Variants in NRP1 observed in about 807,000 individuals in gnomAD.
The protein encoded by NRP1 is neuropilin 1.
Under a neutral mutation model 106.7 loss-of-function variants are expected in NRP1, and 35 were observed. The observed-to-expected ratio is 0.33, with a 90% confidence interval of 0.25 to 0.43. The LOEUF (loss-of-function observed/expected upper bound fraction) is 0.43. Among genes scored for constraint, NRP1 ranks in the 20% least tolerant of loss-of-function variants. The probability of loss-of-function intolerance (pLI) is 1.00; values close to 1 mark genes in which losing one functional copy is unlikely to be tolerated. For missense variants in NRP1, 1,024 were observed against 1,170.4 expected (o/e 0.87, Z 1.83); for synonymous variants, 437 against 417.9 (o/e 1.05, Z -0.56).
rs955916634 is a variant in NRP1, at chr10:33,260,056, T to C, written c.659-3585A>G. Among the ~76,000 whole-genome samples, 42 of 152,026 alleles carry C rather than the reference T, an allele frequency of 2.8e-4. 1 individual carries two copies. Among genetic ancestry groups the C allele is most frequent in the African/African-American group, 9.7e-4 (40 of 41,394 alleles). On this transcript the variant is annotated intron_variant, in intron 4 of 16. Transcript: ENST00000374867. ...TTTTTTTTGTAGAGACAGGGTCTCA[T>C]CTCTCGATGTTGCCCAAGATGGTCT...
At chr10:33,224,546 T>C (rs1255156226) in intron 7 of NRP1, among the ~76,000 whole-genome samples, 1 of 136,638 alleles carries the variant, frequency 7.3e-6, no homozygotes, top group East Asian at 3.1e-4. Context: ...TTCCATTTTG[T>C]TCTTTTTTTT....
chr10:33,301,315 A>G (rs1214930906), intron 2 of NRP1, among the ~76,000 whole-genome samples: 4 of 152,148 alleles, frequency 2.6e-5, no homozygotes, highest in Non-Finnish European at 5.9e-5. Flanking sequence ...AACAAGGGTG[A>G]CCTTTGGAGT....
intron 4 of NRP1, among the ~76,000 whole-genome samples, chr10:33,259,517 T>G (rs547606701): frequency 2.0e-5 from 3 of 152,296 alleles, no homozygotes; most frequent in Admixed American, 6.5e-5. Context: ...TCTGTTATTG[T>G]GGACCGAAGC....
intron 12 of NRP1, 61 bp from the exon 13 acceptor site, chr10:33,192,479 G>T: frequency 1.3e-6 from 2 of 1,564,222 alleles, no homozygotes; most frequent in South Asian, 2.3e-5. Flanking sequence ...TGATCATTTA[G>T]GGTCACAAAG....
rs562817482 is a variant in NRP1 at position 33,224,365 on chromosome 10, T to C, written c.1137+1769A>G. On this transcript the variant is annotated intron_variant, in intron 7 of 16. Transcript: ENST00000374867. ...ATGCAAACAACCAGTGGACAACAGT[T>C]GAAGAAAACATGTTGGTGAAATAGC... Among the ~76,000 whole-genome samples the C allele has an allele frequency of 8.5e-5, 13 of 152,222 alleles. No individual in the cohort carries two copies. In the South Asian group the frequency reaches 2.7e-3, roughly 32 times the overall value.
At chr10:33,310,267 T>TTC (rs1441841552) in intron 2 of NRP1, among the ~76,000 whole-genome samples, 11 of 140,218 alleles carry the variant, frequency 7.8e-5, no homozygotes, top group South Asian at 4.7e-4. Flanking sequence ...TTTTTTTTTT[T>TTC]CGAGACAGAG....
chr10:33,219,833 C>T (rs1185579200), intron 8 of NRP1, among the ~76,000 whole-genome samples: 1 of 152,070 alleles, frequency 6.6e-6, no homozygotes, highest in Non-Finnish European at 1.5e-5. Context: ...AATACAATGA[C>T]ATGAGATAAG....
chr10:33,197,580 A>G (rs1836873294), intron 12 of NRP1, 70 bp downstream of exon 12: 1 of 1,236,384 alleles, frequency 8.1e-7, no homozygotes, highest in Non-Finnish European at 1.1e-6. Flanking sequence ...AGAAACTGAA[A>G]GCGAGGAGCG....
chr10:33,244,635 C>T (rs185342641), intron 6 of NRP1, among the ~76,000 whole-genome samples: 1 of 152,190 alleles, frequency 6.6e-6, no homozygotes, highest in African/African-American at 2.4e-5. Flanking sequence ...ATTTAGGTTA[C>T]AGAAGTGGAA....
intron 6 of NRP1, among the ~76,000 whole-genome samples, chr10:33,239,658 TTTTA>T (rs1271629104): frequency 6.6e-6 from 1 of 152,220 alleles, no homozygotes; most frequent in Non-Finnish European, 1.5e-5. Flanking sequence ...AAGTATTCCT[TTTTA>T]TTTATTTCTC....
chr10:33,320,362 T>TC (rs1202601343), intron 2 of NRP1, among the ~76,000 whole-genome samples: 5 of 147,648 alleles, frequency 3.4e-5, no homozygotes, highest in Non-Finnish European at 7.5e-5. Context: ...CTCCAGACAA[T>TC]CCGTAGCCCT....
At chr10:33,195,529 G>C (rs1447124596) in intron 12 of NRP1, 1 of 533,340 alleles carries the variant, frequency 1.9e-6, no homozygotes, top group African/African-American at 1.9e-5. Context: ...TGAAGGTTTT[G>C]AGGTCTCATT....
intron 9 of NRP1, 126 bp from the exon 10 acceptor site, chr10:33,207,842 G>A: frequency 1.2e-6 from 1 of 868,158 alleles, no homozygotes; most frequent in African/African-American, 1.7e-5. Flanking sequence ...CTACCACTTT[G>A]TGGTACATCT....
At chr10:33,214,991 T>C (rs926936226) in intron 8 of NRP1, among the ~76,000 whole-genome samples, 15 of 152,238 alleles carry the variant, frequency 9.9e-5, no homozygotes, top group Admixed American at 6.5e-4. Context: ...TTGAAAATTG[T>C]TAAAGCGGTA....
chr10:33,237,574 TTC>T (rs1156907999), intron 6 of NRP1, among the ~76,000 whole-genome samples: 1 of 128,970 alleles, frequency 7.8e-6, no homozygotes, highest in African/African-American at 3.3e-5. Context: ...ATTTTCCTTC[TTC>T]TTTTTTTTTT....
At chr10:33,249,390 A>G (rs983876618) in intron 6 of NRP1, 3 of 486,660 alleles carry the variant, frequency 6.2e-6, no homozygotes, top group Admixed American at 2.4e-5. Context: ...TTCATAGATC[A>G]CAGATTGAGA....
At chr10:33,299,114 C>T (rs1439458843) in intron 2 of NRP1, among the ~76,000 whole-genome samples, 1 of 152,164 alleles carries the variant, frequency 6.6e-6, no homozygotes, top group Non-Finnish European at 1.5e-5. Flanking sequence ...TGCTCAAGGT[C>T]ACAGAGGAAG....
At chr10:33,223,074 C>T (rs1028092871) in intron 7 of NRP1, among the ~76,000 whole-genome samples, 4 of 152,184 alleles carry the variant, frequency 2.6e-5, no homozygotes, top group South Asian at 4.1e-4. Flanking sequence ...TCCTGTGCCT[C>T]GTGCATTCAG....
chr10:33,194,455 A>G (rs1461457383), intron 12 of NRP1: 1 of 237,982 alleles, frequency 4.2e-6, no homozygotes, highest in African/African-American at 2.2e-5. Flanking sequence ...TTGGCTCTTC[A>G]TATTCTGATG....
Sources: allele counts gnomAD v4.1 joint callset (sites outside exome capture counted in the v4.1 genomes callset), GRCh38; gene constraint gnomAD v4.1.1; transcripts MANE v1.5; gene names NCBI Gene and HGNC (gene_info 2026-07-23, HGNC 2026-07-21).